TMEM132E: variants seen among roughly 807,000 people sequenced by gnomAD.
TMEM132E encodes the protein transmembrane protein 132E.
In TMEM132E, 49 loss-of-function variants were observed where a neutral mutation model predicts 78.5. That is an observed-to-expected ratio of 0.62 (90% CI 0.50 to 0.79). The LOEUF (loss-of-function observed/expected upper bound fraction) is 0.79, where lower values mean the gene tolerates loss of function less well. Ranked by LOEUF, TMEM132E falls within the 30% of genes least tolerant of loss-of-function variation. The pLI is 0.00. For missense variants in TMEM132E, 1,403 were observed against 1,470.9 expected, an observed-to-expected ratio of 0.95 and a Z score of 0.75; for synonymous variants, 715 against 670.6, an observed-to-expected ratio of 1.07 and a Z score of -1.02.
Position 34,626,503 on chromosome 17 carries a change from A to G in TMEM132E, c.444A>G (p.Val148=). The change falls in exon 2 of 9, where the codon GTA becomes GTG. Residue 148 remains valine (V), a synonymous_variant. Transcript: ENST00000631683. ...SQPVVQVLFY[V]AGRDWDDFGV... is the part of the protein sequence containing the mutation. Reference sequence around the variant, plus strand: ...CCGTGGTCCAGGTGCTGTTCTACGTAGCCGGCCGGGACTGGGACGACTTCG... The same window carrying G: ...CCGTGGTCCAGGTGCTGTTCTACGTGGCCGGCCGGGACTGGGACGACTTCG... The G allele has an allele frequency of 6.2e-7, 1 of 1,610,216 alleles. No homozygotes were observed. Among genetic ancestry groups the G allele is most frequent in the Non-Finnish European group, 8.5e-7 (1 of 1,179,324 alleles).
At chr17:34,582,768 G>A (rs1228875723) in intron 1 of TMEM132E, among the ~76,000 whole-genome samples, 1 of 152,096 alleles carries the variant, frequency 6.6e-6, no homozygotes, top group East Asian at 1.9e-4. Context: ...CCGGCAGGGA[G>A]TTTCCCTGCC....
chr17:34,613,152 ACT>A (rs141732934), intron 1 of TMEM132E, among the ~76,000 whole-genome samples: 33,774 of 90,630 alleles, frequency 0.37, 6,648 homozygotes, highest in Non-Finnish European at 0.46. Flanking sequence ...TGGCACTCAC[ACT>A]CTCTCTCTCT....
At chr17:34,602,556 T>C (rs1192920053) in intron 1 of TMEM132E, among the ~76,000 whole-genome samples, 2 of 152,044 alleles carry the variant, frequency 1.3e-5, no homozygotes, top group East Asian at 3.9e-4. Context: ...TCTTGACAGG[T>C]GAGAGCAGGT....
chr17:34,630,490 G>T (rs1246898018), intron 5 of TMEM132E, among the ~76,000 whole-genome samples: 1 of 152,144 alleles, frequency 6.6e-6, no homozygotes, highest in African/African-American at 2.4e-5. Context: ...CAGGCCAGAG[G>T]GGGAGAAAGC....
rs1905443372 is a variant in TMEM132E, at chr17:34,580,841, G to T, written c.-236G>T. On this transcript the variant is annotated 5_prime_UTR_variant, in exon 1 of 9. Coordinates refer to ENST00000631683, the MANE Select transcript of TMEM132E (RefSeq NM_001304438.2). ...CTGCAGGGGGCACCAGCTGGGGGAG[G>T]TGGAGGCTCCTCCCGCCCGGAGCTG... 1 of 458,116 alleles carries T rather than the reference G, an allele frequency of 2.2e-6. No homozygotes were observed. Among genetic ancestry groups the T allele is most frequent in the Non-Finnish European group, 3.9e-6 (1 of 258,900 alleles). The allele number at this position is 458,116 out of a possible 1,614,324, so 28.4% of individuals were successfully genotyped here. A position where few individuals can be genotyped will look rare whatever the true frequency, so the allele number is the denominator to read the frequency against.
chr17:34,597,730 G>A (rs1328267055), intron 1 of TMEM132E, among the ~76,000 whole-genome samples: 1 of 152,120 alleles, frequency 6.6e-6, no homozygotes. Flanking sequence ...AAGGTAGGAG[G>A]GCCCCACCAG....
chr17:34,581,771 C>A (rs1905492775), intron 1 of TMEM132E, among the ~76,000 whole-genome samples: 1 of 151,824 alleles, frequency 6.6e-6, no homozygotes, highest in Admixed American at 6.5e-5. Flanking sequence ...GGCCGCGGGC[C>A]GCGCGCGGAG....
intron 1 of TMEM132E, among the ~76,000 whole-genome samples, chr17:34,596,711 C>T (rs1458822750): frequency 1.3e-5 from 2 of 151,996 alleles, no homozygotes; most frequent in Admixed American, 6.6e-5. Flanking sequence ...GCAGGTCCTC[C>T]TCAGAATCCA....
chr17:34,610,423 T>C (rs1054505230), intron 1 of TMEM132E, among the ~76,000 whole-genome samples: 11 of 152,148 alleles, frequency 7.2e-5, no homozygotes, highest in African/African-American at 2.4e-4. Context: ...AGGGCCTCCA[T>C]CTAAGAGAAA....
chr17:34,601,616 A>T (rs1422493354), intron 1 of TMEM132E, among the ~76,000 whole-genome samples: 1 of 152,248 alleles, frequency 6.6e-6, no homozygotes, highest in Non-Finnish European at 1.5e-5. Flanking sequence ...ATGCACCAGC[A>T]GCTGGGCCAT....
Position 34,612,692 on chromosome 17 carries a change from C to A in TMEM132E, c.68-13435C>A, listed in dbSNP as rs140055604. On this transcript the variant is annotated intron_variant, in intron 1 of 8. Coordinates refer to ENST00000631683, the MANE Select transcript of TMEM132E (RefSeq NM_001304438.2). ...TTCATGACCAAGCCCACCTCCAGCTCAGGTCTGGGATCATAGCTCAGGGGA... is the reference window on the plus strand; with the variant it reads ...TTCATGACCAAGCCCACCTCCAGCTAAGGTCTGGGATCATAGCTCAGGGGA... Among the ~76,000 whole-genome samples the A allele has an allele frequency of 1.1e-4, 17 of 152,278 alleles. No homozygotes were observed. The East Asian group carries it at 3.3e-3, about 29-fold the overall frequency.
chr17:34,603,162 C>A (rs1377373387), intron 1 of TMEM132E, among the ~76,000 whole-genome samples: 1 of 152,104 alleles, frequency 6.6e-6, no homozygotes, highest in Non-Finnish European at 1.5e-5. Context: ...GGTCAGGTTG[C>A]GAGACAGTGA....
intron 4 of TMEM132E, 116 bp downstream of exon 4, chr17:34,629,320 G>T: frequency 8.6e-7 from 1 of 1,167,138 alleles, no homozygotes; most frequent in South Asian, 1.5e-5. Flanking sequence ...GTGTATATGT[G>T]AGACTTCCTG....
chr17:34,637,503 C>CGGCGGG lies in TMEM132E; in HGVS notation c.2501_2506dup (p.Gly834_Gly835dup). ...ACCCGGGCCCCAGCCAACCAGGGCC[C>CGGCGGG]GGCGGGGGCGAGGACGAGGCCCGGG... is the stretch of plus-strand genomic sequence containing the variant. On this transcript the variant is annotated inframe_insertion, in exon 9 of 9. Coordinates refer to ENST00000631683, the MANE Select transcript of TMEM132E (RefSeq NM_001304438.2). The CGGCGGG allele has an allele frequency of 2.5e-6, 4 of 1,605,556 alleles. No individual in the cohort carries two copies. Among genetic ancestry groups the CGGCGGG allele is most frequent in the Non-Finnish European group, 3.4e-6 (4 of 1,176,832 alleles).
In TMEM132E at chr17:34,580,669, T is replaced by A. The variant is rs938300586; in HGVS notation, c.-408T>A. ...GAAACCGAGGAAACTGGGGATTGCG[T>A]TGGAAGTCGGCACCCTCGAGTGAGT... On this transcript the variant is annotated 5_prime_UTR_variant, in exon 1 of 9. In the 5' UTR this introduces an upstream ATG that the reference lacks. Coordinates refer to ENST00000631683, the MANE Select transcript of TMEM132E (RefSeq NM_001304438.2). The A allele has an allele frequency of 5.5e-6, 1 of 183,294 alleles. No homozygotes were observed. The highest frequency in any genetic ancestry group is 6.2e-5 in the Admixed American group (1 of 16,080). 11.4% of individuals were successfully genotyped at this position (183,294 alleles called of 1,614,324 possible).
At chr17:34,597,150 C>T (rs1906087020) in intron 1 of TMEM132E, among the ~76,000 whole-genome samples, 1 of 152,190 alleles carries the variant, frequency 6.6e-6, no homozygotes, top group African/African-American at 2.4e-5. Flanking sequence ...CCTACCACCA[C>T]CAGACTGGGG....
intron 1 of TMEM132E, among the ~76,000 whole-genome samples, chr17:34,620,586 G>A (rs992070379): frequency 4.6e-5 from 7 of 152,268 alleles, no homozygotes; most frequent in African/African-American, 1.7e-4. Flanking sequence ...CAGGCACAGG[G>A]ACACAGGAGC....
chr17:34,626,808 G>A lies in TMEM132E; in HGVS notation c.749G>A (p.Arg250Gln). Residue 250 changes from arginine (R) to glutamine (Q), a missense_variant, in exon 2 of 9, where the codon CGG becomes CAG. Around this residue, in one of 3 missense-constraint regions of TMEM132E, gnomAD observed 511 missense variants for 499.0 expected, o/e 1.02. Transcript: ENST00000631683. ...DASGGCGGSR[R>Q]GAGPGVGARA... ...TCGGGGGGCTGCGGGGGCTCCCGCC[G>A]GGGGGCCGGGCCCGGGGTGGGGGCC... 2.0e-6 allele frequency: 3 copies of A among 1,525,518 alleles called. No individual in the cohort carries two copies. Among genetic ancestry groups the A allele is most frequent in the Non-Finnish European group, 2.6e-6 (3 of 1,139,946 alleles). The allele number at this position is 1,525,518 out of a possible 1,614,324, so 94.5% of individuals were successfully genotyped here. A position where few individuals can be genotyped will look rare whatever the true frequency, so the allele number is the denominator to read the frequency against.
chr17:34,638,345 T>G lies in TMEM132E; in HGVS notation c.*113T>G. ...CTGGGCGGCTGAATTGATTTTGTAC[T>G]CCCTGCCCCTGCAGCTTGGCTCCGT... On this transcript the variant is annotated 3_prime_UTR_variant, in exon 9 of 9. Transcript: ENST00000631683. The G allele has an allele frequency of 7.8e-6, 9 of 1,153,122 alleles. No individual in the cohort carries two copies. The highest frequency in any genetic ancestry group is 1.1e-5 in the Non-Finnish European group (9 of 839,762). 71.4% of individuals were successfully genotyped at this position (1,153,122 alleles called of 1,614,324 possible). A position where few individuals can be genotyped will look rare whatever the true frequency, so the allele number is the denominator to read the frequency against.
Sources: gnomAD v4.1 joint callset for allele counts (sites outside exome capture counted in the v4.1 genomes callset) on GRCh38, gnomAD v4.1.1 for gene constraint, gnomAD v4.1.1 regional missense constraint, MANE v1.5 for transcripts, NCBI Gene and HGNC (gene_info 2026-07-23, HGNC 2026-07-21) for gene names.